The following RRBP1 variants were observed in gnomAD, a reference collection of about 807,000 sequenced individuals.
The protein encoded by RRBP1 is ribosome binding protein 1.
In RRBP1, 94 loss-of-function variants were observed where a neutral mutation model predicts 165.2. The ratio of observed to expected loss-of-function variants is 0.57; its 90% CI spans 0.48 to 0.68. The LOEUF is 0.68. Among genes scored for constraint, RRBP1 ranks in the 30% least tolerant of loss-of-function variants. RRBP1 has a pLI of 0.00. For missense variants in RRBP1, 1,676 were observed against 1,763.0 expected (o/e 0.95, Z 0.88); for synonymous variants, 680 against 714.5 (o/e 0.95, Z 0.77).
Position 17,651,756 on chromosome 20 carries a change from A to G in RRBP1, c.1912+6840T>C, listed in dbSNP as rs61299471. On this transcript the variant is annotated intron_variant, in intron 3 of 24. Transcript: ENST00000377813. The stretch of plus-strand genomic sequence containing the variant: ...TGTGAATTTTGTTTGCTGGAAACAC[A>G]TATTTATGTAATAATAAATTGTAAA... Among the ~76,000 whole-genome samples the G allele has an allele frequency of 3.4e-4, 52 of 152,358 alleles. No individual in the cohort carries two copies. In the East Asian group the frequency reaches 5.6e-3, roughly 16 times the overall value.
At chr20:17,625,491 G>T in intron 12 of RRBP1, 21 bp downstream of exon 12, 2 of 1,608,362 alleles carry the variant, frequency 1.2e-6, no homozygotes, top group Non-Finnish European at 8.5e-7. Flanking sequence ...GTCCGTCCCC[G>T]CCTGTGCCTG....
intron 9 of RRBP1, among the ~76,000 whole-genome samples, chr20:17,628,521 T>A (rs1382227595): frequency 6.6e-6 from 1 of 152,188 alleles, no homozygotes; most frequent in Non-Finnish European, 1.5e-5. Context: ...CCACCTGGTG[T>A]CAGTGTCCAG....
intron 2 of RRBP1, among the ~76,000 whole-genome samples, chr20:17,663,388 G>A (rs1047164037): frequency 2.0e-5 from 3 of 152,148 alleles, no homozygotes; most frequent in Non-Finnish European, 4.4e-5. Flanking sequence ...AAACAAACTC[G>A]GGAGAATATT....
chr20:17,639,702 C>T (rs560444179), intron 5 of RRBP1, among the ~76,000 whole-genome samples: 12 of 152,046 alleles, frequency 7.9e-5, no homozygotes, highest in South Asian at 6.2e-4. Context: ...GAGACCAGCC[C>T]GACCAACATG....
intron 5 of RRBP1, chr20:17,641,482 T>C (rs6044930): frequency 0.5 from 186,802 of 376,994 alleles, 50,747 homozygotes; most frequent in African/African-American, 0.71. Context: ...ACCTGTCTAG[T>C]GAAAGCCAGG....
At chr20:17,680,719 C>T (rs1276632894) in intron 1 of RRBP1, among the ~76,000 whole-genome samples, 1 of 152,064 alleles carries the variant, frequency 6.6e-6, no homozygotes, top group South Asian at 2.1e-4. Flanking sequence ...GGGTGTAGAA[C>T]CCCGGCTGTG....
chr20:17,629,475 G>C (rs532503600), intron 9 of RRBP1, among the ~76,000 whole-genome samples: 3 of 152,060 alleles, frequency 2.0e-5, no homozygotes, highest in Admixed American at 6.6e-5. Flanking sequence ...CAGCCACTGC[G>C]GACCCAGGCT....
rs1335068181 is a variant in RRBP1, at chr20:17,624,542, C to T, written c.3147+34G>A. 2.8e-6 allele frequency: 4 copies of T among 1,442,820 alleles called. No individual in the cohort carries two copies. The East Asian group carries it at 9.4e-5, about 34-fold the overall frequency. 89.4% of individuals were successfully genotyped at this position (1,442,820 alleles called of 1,614,324 possible). A position where few individuals can be genotyped will look rare whatever the true frequency, so the allele number is the denominator to read the frequency against. ...CATTTGTGCATCCTAGTGCACTTTC[C>T]ATGGTGGGGGTGTGAGTGTGGTCGG... On this transcript the variant is annotated intron_variant, in intron 13 of 24. Transcript: ENST00000377813.
At chr20:17,636,525 A>G in intron 6 of RRBP1, 52 bp downstream of exon 6, 2 of 1,591,046 alleles carry the variant, frequency 1.3e-6, no homozygotes, top group Non-Finnish European at 8.5e-7. Context: ...TCCGTCCTGG[A>G]CCTGGACTGG....
rs557730627 is a variant in RRBP1 at position 17,618,638 on chromosome 20, G to A, written c.3717C>T (p.Ala1239=). 1.5e-5 allele frequency: 24 copies of A among 1,614,048 alleles called. No individual in the cohort carries two copies. Among genetic ancestry groups the A allele is most frequent in the African/African-American group, 1.3e-4 (10 of 75,058 alleles). Residue 1239 remains alanine (A), a synonymous_variant, in exon 20 of 25, where the codon GCC becomes GCT. Coordinates refer to ENST00000377813, the MANE Select transcript of RRBP1 (RefSeq NM_001365613.2). ...LLLESQSQLD[A]AKSEAQKQSD... ...TCTGTTTCTGGGCTTCGCTCTTGGC[G>A]GCATCGAGCTGAGATTGAGATTCTA...
intron 9 of RRBP1, among the ~76,000 whole-genome samples, chr20:17,628,897 C>A (rs2036088553): frequency 6.6e-6 from 1 of 152,260 alleles, no homozygotes; most frequent in African/African-American, 2.4e-5. Context: ...TCTGTTCACT[C>A]GGTGTTAATG....
chr20:17,666,545 T>C (rs538264587), intron 2 of RRBP1, among the ~76,000 whole-genome samples: 2 of 152,336 alleles, frequency 1.3e-5, no homozygotes, highest in East Asian at 3.9e-4. Flanking sequence ...TTGTCAAATC[T>C]AGGAGTTTGT....
chr20:17,680,549 GA>G (rs2037161547), intron 1 of RRBP1, among the ~76,000 whole-genome samples: 1 of 152,090 alleles, frequency 6.6e-6, no homozygotes. Flanking sequence ...TGACCTCTCA[GA>G]GTAATTGCCA....
At chr20:17,625,975 C>T (rs1366406505) in intron 11 of RRBP1, among the ~76,000 whole-genome samples, 3 of 152,136 alleles carry the variant, frequency 2.0e-5, no homozygotes, top group East Asian at 1.9e-4. Context: ...ACCCCAAGAG[C>T]GTCCCCAAAA....
chr20:17,680,136 AG>A, intron 1 of RRBP1, 61 bp from the exon 2 acceptor site: 1 of 152,396 alleles, frequency 6.6e-6, no homozygotes, highest in East Asian at 1.9e-4. Flanking sequence ...TTCGTAAACG[AG>A]TCAAGACATC....
Position 17,682,115 on chromosome 20 carries a change from A to C in RRBP1, c.-186T>G, listed in dbSNP as rs1441224344. 6.6e-6 allele frequency: 1 copy of C among 152,554 alleles called. No homozygotes were observed. Among genetic ancestry groups the C allele is most frequent in the Admixed American group, 6.5e-5 (1 of 15,280 alleles). The allele number at this position is 152,554 out of a possible 1,614,324, so 9.5% of individuals were successfully genotyped here. A position where few individuals can be genotyped will look rare whatever the true frequency, so the allele number is the denominator to read the frequency against. On this transcript the variant is annotated 5_prime_UTR_variant, in exon 1 of 25. Coordinates refer to ENST00000377813, the MANE Select transcript of RRBP1 (RefSeq NM_001365613.2). Reference sequence around the variant, plus strand: ...CGGAGCCGGGAGAGAGGAGCCGGCCAAGCCTCCGCCAAGAAACCGCCCCCG... The same window carrying C: ...CGGAGCCGGGAGAGAGGAGCCGGCCCAGCCTCCGCCAAGAAACCGCCCCCG...
chr20:17,614,954 CCT>C (rs1451214288), intron 23 of RRBP1, 74 bp from the exon 24 acceptor site: 16 of 1,539,810 alleles, frequency 1.0e-5, no homozygotes, highest in Admixed American at 1.7e-5. Context: ...CCCACAGGAC[CCT>C]GACGCCAGGG....
chr20:17,626,472 G>A (rs1248420020), intron 11 of RRBP1, among the ~76,000 whole-genome samples: 1 of 152,218 alleles, frequency 6.6e-6, no homozygotes, highest in Non-Finnish European at 1.5e-5. Flanking sequence ...AACATGGGCT[G>A]TGGCCTGGGG....
At chr20:17,614,709 C>CCGCCCTGCTTTGGCGCCAGGCA (rs1191549287) in intron 24 of RRBP1, 28 bp downstream of exon 24, 1 of 1,607,714 alleles carries the variant, frequency 6.2e-7, no homozygotes, top group East Asian at 2.2e-5. Flanking sequence ...TCGACTCCTC[C>CCGCCCTGCTTTGGCGCCAGGCA]CGCCCTGCTT....
Sources: gnomAD v4.1 joint callset for allele counts (sites outside exome capture counted in the v4.1 genomes callset) on GRCh38, gnomAD v4.1.1 for gene constraint, MANE v1.5 for transcripts, NCBI Gene and HGNC (gene_info 2026-07-23, HGNC 2026-07-21) for gene names.